Variants in PTPRD observed in about 807,000 individuals in gnomAD.
PTPRD encodes the protein receptor-type tyrosine-protein phosphatase delta.
Under a neutral mutation model 214.5 loss-of-function variants are expected in PTPRD, and 34 were observed. The ratio of observed to expected loss-of-function variants is 0.16; its 90% confidence interval spans 0.12 to 0.21. The LOEUF (loss-of-function observed/expected upper bound fraction) is 0.21, where lower values mean the gene tolerates loss of function less well. Among genes scored for constraint, PTPRD ranks in the 10% least tolerant of loss-of-function variants. The pLI, the probability that PTPRD is intolerant of heterozygous loss-of-function variation, is 1.00. For synonymous variants in PTPRD, 1,128 were observed against 845.7 expected (o/e 1.33, Z -5.79); for missense variants, 2,545 against 2,398.7 (o/e 1.06, Z -1.27).
chr9:8,748,599 A>G (rs995243351), intron 11 of PTPRD, among the ~76,000 whole-genome samples: 6 of 151,752 alleles, frequency 4.0e-5, no homozygotes, highest in Admixed American at 3.9e-4. Context: ...CACTAGGGTC[A>G]AAACTATTCA....
At position 8,640,998 on chromosome 9, in the gene PTPRD, A is replaced by C. The variant is rs926410905; in HGVS notation, c.65-4154T>G. 1.2e-4 allele frequency among the ~76,000 whole-genome samples: 18 copies of C among 148,344 alleles called. 3 individuals carry two copies. Among genetic ancestry groups the C allele is most frequent in the African/African-American group, 4.8e-4 (18 of 37,798 alleles). Reference sequence around the variant, plus strand: ...AGAGAAGACTAAACTTAATAACCCCAACAAATGCTTGAGGCAAGTAAAAAT... The same window carrying C: ...AGAGAAGACTAAACTTAATAACCCCCACAAATGCTTGAGGCAAGTAAAAAT... On this transcript the variant is annotated intron_variant, in intron 12 of 45. Transcript: ENST00000381196.
intron 3 of PTPRD, among the ~76,000 whole-genome samples, chr9:10,279,401 G>T (rs1346683117): frequency 6.6e-6 from 1 of 152,058 alleles, no homozygotes; most frequent in African/African-American, 2.4e-5. Context: ...CCTGCTACTA[G>T]CTCATAAGAC....
intron 11 of PTPRD, among the ~76,000 whole-genome samples, chr9:8,895,875 G>C (rs528494497): frequency 1.3e-5 from 2 of 152,316 alleles, no homozygotes; most frequent in African/African-American, 4.8e-5. Flanking sequence ...TTTCTCTTCA[G>C]AGAGAAGTTG....
At chr9:9,432,295 T>C (rs763428280) in intron 8 of PTPRD, among the ~76,000 whole-genome samples, 2 of 152,036 alleles carry the variant, frequency 1.3e-5, no homozygotes, top group African/African-American at 2.4e-5. Flanking sequence ...GCATGTCAGT[T>C]TCTAATTTAT....
chr9:10,382,677 T>C (rs999287589), intron 2 of PTPRD, among the ~76,000 whole-genome samples: 1 of 151,870 alleles, frequency 6.6e-6, no homozygotes, highest in Non-Finnish European at 1.5e-5. Flanking sequence ...GGTTTCATAT[T>C]AAACAGAATT....
At chr9:10,431,500 C>A (rs1163109325) in intron 2 of PTPRD, among the ~76,000 whole-genome samples, 2 of 151,932 alleles carry the variant, frequency 1.3e-5, no homozygotes, top group African/African-American at 4.8e-5. Context: ...GAACAGGCAA[C>A]CTACAAAATG....
chr9:9,182,399 G>A (rs147992446), intron 10 of PTPRD, among the ~76,000 whole-genome samples: 83 of 152,052 alleles, frequency 5.5e-4, no homozygotes, highest in African/African-American at 1.8e-3. Context: ...GCATGCTAAC[G>A]AACTTTTAAA....
chr9:9,726,475 C>A (rs901328507), intron 7 of PTPRD, among the ~76,000 whole-genome samples: 2 of 152,110 alleles, frequency 1.3e-5, no homozygotes, highest in African/African-American at 2.4e-5. Context: ...ACAGCCCTAC[C>A]ACTTACCATT....
Position 8,556,827 on chromosome 9 carries a change from T to C in PTPRD, c.353-28048A>G, listed in dbSNP as rs144513820. On this transcript the variant is annotated intron_variant, in intron 14 of 45. Coordinates refer to ENST00000381196, the MANE Select transcript of PTPRD (RefSeq NM_002839.4). ...GGTAAGGAGGCTAAAAGAGATAGCA[T>C]AGGTGACAGAATCGAACCCATGTCT... Among the ~76,000 whole-genome samples, 884 of 152,232 alleles carry C rather than the reference T, an allele frequency of 5.8e-3. 4 individuals carry two copies. The highest frequency in any genetic ancestry group is 0.02 in the African/African-American group (848 of 41,548).
chr9:8,878,928 T>A lies in PTPRD; in HGVS notation c.-104+139769A>T, dbSNP rs185424013. Among the ~76,000 whole-genome samples, 212 of 152,334 alleles carry A rather than the reference T, an allele frequency of 1.4e-3. 2 individuals are homozygous for A. Among genetic ancestry groups the A allele is most frequent in the Non-Finnish European group, 2.2e-3 (152 of 68,022 alleles). On this transcript the variant is annotated intron_variant, in intron 11 of 45. Coordinates refer to ENST00000381196, the MANE Select transcript of PTPRD (RefSeq NM_002839.4). The stretch of plus-strand genomic sequence containing the variant: ...CTATACCCTGGTGACTCTGGTTAGA[T>A]GTCAGTCCTACACCTCACCCAAGCT...
intron 8 of PTPRD, among the ~76,000 whole-genome samples, chr9:9,473,846 A>C (rs2094815105): frequency 1.4e-5 from 2 of 146,820 alleles, no homozygotes; most frequent in South Asian, 4.3e-4. Context: ...TAAGTTTTTA[A>C]ATTTCTTATA....
rs190744838 is a variant in PTPRD, at chr9:9,947,482, T to A, written c.-471-8872A>T. Among the ~76,000 whole-genome samples the A allele has an allele frequency of 3.5e-3, 85 of 23,986 alleles. 2 individuals are homozygous for A. The highest frequency in any genetic ancestry group is 0.023 in the African/African-American group (73 of 3,136). The allele number at this position is 23,986 out of a possible 152,430, so 15.7% of individuals were successfully genotyped here. ...ATATATACTATATATTATATATATT[T>A]TATATATATTATATATATTTTATAT... On this transcript the variant is annotated intron_variant, in intron 4 of 45. Transcript: ENST00000381196.
intron 8 of PTPRD, chr9:9,442,054 T>C (rs1030252079): frequency 2.2e-4 from 34 of 152,342 alleles, no homozygotes; most frequent in African/African-American, 8.2e-4. Context: ...CAGAAGTCTG[T>C]AATGCGCCGG....
chr9:9,287,658 C>A (rs1949938284), intron 9 of PTPRD, among the ~76,000 whole-genome samples: 1 of 151,806 alleles, frequency 6.6e-6, no homozygotes, highest in African/African-American at 2.4e-5. Context: ...AACTAAAGGT[C>A]CTACTGTGAA....
Position 9,911,749 on chromosome 9 carries a change from T to G in PTPRD, c.-368+26758A>C, listed in dbSNP as rs182988863. 1.9e-3 allele frequency among the ~76,000 whole-genome samples: 294 copies of G among 152,242 alleles called. 3 individuals carry two copies. Among genetic ancestry groups the G allele is most frequent in the Non-Finnish European group, 3.3e-3 (226 of 67,970 alleles). On this transcript the variant is annotated intron_variant, in intron 5 of 45. Transcript: ENST00000381196. The stretch of plus-strand genomic sequence containing the variant: ...AAGCAAAATTAATATAACTTTTTAT[T>G]TCTACTTTTAAGTAAAATTTTCAGG...
chr9:9,011,636 T>C (rs1164694726), intron 11 of PTPRD, among the ~76,000 whole-genome samples: 1 of 152,194 alleles, frequency 6.6e-6, no homozygotes, highest in African/African-American at 2.4e-5. Flanking sequence ...GAAATGCCCA[T>C]TGTACTTCAG....
At chr9:9,981,787 C>T (rs1348385792) in intron 4 of PTPRD, among the ~76,000 whole-genome samples, 1 of 152,136 alleles carries the variant, frequency 6.6e-6, no homozygotes. Context: ...TCGTATCATA[C>T]TCTATTTTCT....
At chr9:9,893,956 G>A (rs183595926) in intron 5 of PTPRD, among the ~76,000 whole-genome samples, 192 of 152,102 alleles carry the variant, frequency 1.3e-3, no homozygotes, top group African/African-American at 4.4e-3. Context: ...AAGACCACAA[G>A]TGCACACCAC....
rs752764133 is a variant in PTPRD at position 8,319,930 on chromosome 9, T to A, written c.5571A>T (p.Leu1857=). 5.0e-6 allele frequency: 8 copies of A among 1,613,078 alleles called. No homozygotes were observed. In the South Asian group the frequency reaches 8.8e-5, roughly 18 times the overall value. ...GVGRTGVFIT[L]SIVLERMRYE... ...ATCTCATTCTTTCCAAAACAATGCT[T>A]AGCGTTATGAAGACTCCAGTTCTTC... Residue 1857 remains leucine (L), a synonymous_variant, in exon 45 of 46, where the codon CTA becomes CTT. Transcript: ENST00000381196.
Sources: allele counts gnomAD v4.1 joint callset (sites outside exome capture counted in the v4.1 genomes callset), GRCh38; gene constraint gnomAD v4.1.1; transcripts MANE v1.5; gene names NCBI Gene and HGNC (gene_info 2026-07-23, HGNC 2026-07-21).